ELP4: variants seen among roughly 807,000 people sequenced by gnomAD.
ELP4 encodes the protein elongator complex protein 4.
A neutral mutation model predicts 48.9 loss-of-function variants in ELP4; 51 were observed. That is an observed-to-expected ratio of 1.04 (90% CI 0.83 to 1.32). The LOEUF (loss-of-function observed/expected upper bound fraction) is 1.32. ELP4 is among the 40% of genes most tolerant of loss of function. The pLI is 0.00. For missense variants in ELP4, 519 were observed against 514.6 expected (o/e 1.01, Z -0.08); for synonymous variants, 210 against 189.2 (o/e 1.11, Z -0.90).
intron 4 of ELP4, among the ~76,000 whole-genome samples, chr11:31,595,688 T>C (rs941538449): frequency 6.6e-6 from 1 of 152,164 alleles, no homozygotes; most frequent in African/African-American, 2.4e-5. Flanking sequence ...AATAGCAGAC[T>C]GTAGTACCCT....
chr11:31,773,750 A>G (rs563778145), intron 9 of ELP4, among the ~76,000 whole-genome samples: 2 of 152,296 alleles, frequency 1.3e-5, no homozygotes, highest in East Asian at 3.9e-4. Flanking sequence ...TCTAGTACAA[A>G]TGCATCTAAT....
At chr11:31,762,527 C>G (rs1408284572) in intron 9 of ELP4, among the ~76,000 whole-genome samples, 1 of 151,958 alleles carries the variant, frequency 6.6e-6, no homozygotes, top group Non-Finnish European at 1.5e-5. Context: ...AGAATCTTTT[C>G]ACTTTCTCTT....
At chr11:31,666,648 C>T (rs1006424198) in intron 9 of ELP4, among the ~76,000 whole-genome samples, 58 of 147,620 alleles carry the variant, frequency 3.9e-4, no homozygotes, top group Non-Finnish European at 6.4e-4. Context: ...GCCGAGATTG[C>T]GCCACTGCAC....
chr11:31,598,773 A>C (rs1957725408), intron 4 of ELP4: 1 of 151,756 alleles, frequency 6.6e-6, no homozygotes, highest in African/African-American at 2.4e-5. Context: ...GGCCTCCTGA[A>C]GTGCTGGGAT....
chr11:31,524,254 C>G (rs914373990), intron 2 of ELP4, among the ~76,000 whole-genome samples: 1 of 152,198 alleles, frequency 6.6e-6, no homozygotes, highest in African/African-American at 2.4e-5. Flanking sequence ...GAGTCCTCAG[C>G]AAGCCTACAA....
intron 2 of ELP4, among the ~76,000 whole-genome samples, chr11:31,532,973 A>G (rs1956423253): frequency 6.6e-6 from 1 of 151,758 alleles, no homozygotes; most frequent in Non-Finnish European, 1.5e-5. Flanking sequence ...GGGTTTCATC[A>G]TGTTGGTGGT....
chr11:31,580,308 T>C (rs1957366988), intron 3 of ELP4, among the ~76,000 whole-genome samples: 1 of 152,200 alleles, frequency 6.6e-6, no homozygotes, highest in African/African-American at 2.4e-5. Context: ...TAGTATACTC[T>C]TTGAGACTTG....
intron 5 of ELP4, among the ~76,000 whole-genome samples, chr11:31,609,487 C>T (rs1196034938): frequency 4.6e-5 from 7 of 151,818 alleles, no homozygotes; most frequent in Non-Finnish European, 8.8e-5. Context: ...CTCTGTAAGG[C>T]GGGAAAGAAA....
chr11:31,567,718 C>T (rs1252885692), intron 3 of ELP4, among the ~76,000 whole-genome samples: 1 of 152,094 alleles, frequency 6.6e-6, no homozygotes, highest in African/African-American at 2.4e-5. Flanking sequence ...TTTTTTATTT[C>T]CCAGTGCATA....
intron 3 of ELP4, among the ~76,000 whole-genome samples, chr11:31,564,174 T>C (rs1411350051): frequency 6.6e-6 from 1 of 152,158 alleles, no homozygotes; most frequent in East Asian, 1.9e-4. Flanking sequence ...ATGTATTGAA[T>C]ACAAACTTAC....
chr11:31,537,027 T>A (rs894564916), intron 2 of ELP4, among the ~76,000 whole-genome samples: 53 of 152,204 alleles, frequency 3.5e-4, no homozygotes, highest in African/African-American at 1.3e-3. Context: ...GTTCATGCTT[T>A]CATGTCCTAA....
chr11:31,509,967 G>A lies in ELP4; in HGVS notation c.183G>A (p.Leu61=), dbSNP rs919581353. Residue 61 remains leucine, a synonymous_variant, in exon 1 of 10, where the codon CTG becomes CTA. Coordinates refer to ENST00000640961, the MANE Select transcript of ELP4 (RefSeq NM_019040.5). ...GACCGTCGGTGCGGAATGGACAGCT[G>A]CTGGTATCAACCGGGCTCCCAGCCC... ...GTRPSVRNGQ[L]LVSTGLPALD... The A allele has an allele frequency of 2.5e-6, 4 of 1,612,728 alleles. No individual in the cohort carries two copies. In the African/African-American group the frequency reaches 4.0e-5, roughly 16 times the overall value.
chr11:31,720,733 C>G (rs1355004839), intron 9 of ELP4, among the ~76,000 whole-genome samples: 2 of 152,164 alleles, frequency 1.3e-5, no homozygotes, highest in African/African-American at 4.8e-5. Flanking sequence ...GTGTGACATA[C>G]TGTGCACAAT....
chr11:31,649,850 A>G, intron 8 of ELP4: 1 of 290,172 alleles, frequency 3.4e-6, no homozygotes. Flanking sequence ...AGTTTTGACA[A>G]GTATTAAGAT....
chr11:31,635,830 A>G (rs1433237320), intron 7 of ELP4, among the ~76,000 whole-genome samples: 3 of 152,082 alleles, frequency 2.0e-5, no homozygotes, highest in Admixed American at 2.0e-4. Flanking sequence ...ATAAAAGTCT[A>G]TCAAAGCAAT....
At chr11:31,515,867 T>C (rs542192664) in intron 1 of ELP4, among the ~76,000 whole-genome samples, 7 of 152,328 alleles carry the variant, frequency 4.6e-5, no homozygotes, top group South Asian at 2.1e-4. Flanking sequence ...TCCCAGCACA[T>C]TGGGAGGCCG....
At chr11:31,544,604 T>G (rs563299926) in intron 3 of ELP4, among the ~76,000 whole-genome samples, 1 of 152,180 alleles carries the variant, frequency 6.6e-6, no homozygotes, top group African/African-American at 2.4e-5. Flanking sequence ...AGCAGTAACC[T>G]CTGCAGACTT....
At position 31,509,997 on chromosome 11, in the gene ELP4, C is replaced by T. The variant is rs1239481018; in HGVS notation, c.213C>T (p.Asp71=). Residue 71 remains aspartate (D), a synonymous_variant, in exon 1 of 10, where the codon GAC becomes GAT. Coordinates refer to ENST00000640961, the MANE Select transcript of ELP4 (RefSeq NM_019040.5). ...TATCAACCGGGCTCCCAGCCCTAGACCAGCTCTTAGGTCGGTTCAGAGCGG... is the reference window on the plus strand; with the variant it reads ...TATCAACCGGGCTCCCAGCCCTAGATCAGCTCTTAGGTCGGTTCAGAGCGG... The part of the protein sequence containing the change: ...LLVSTGLPAL[D]QLLGGGLAVG... 1 of 1,611,634 alleles carries T rather than the reference C, an allele frequency of 6.2e-7. No homozygotes were observed. Among genetic ancestry groups the T allele is most frequent in the Non-Finnish European group, 8.5e-7 (1 of 1,179,840 alleles).
chr11:31,544,373 T>G (rs903596878), intron 3 of ELP4, among the ~76,000 whole-genome samples: 1 of 152,342 alleles, frequency 6.6e-6, no homozygotes, highest in African/African-American at 2.4e-5. Context: ...CGGAGGGTCC[T>G]ACGCCCATGG....
Sources: allele counts gnomAD v4.1 joint callset (sites outside exome capture counted in the v4.1 genomes callset), GRCh38; gene constraint gnomAD v4.1.1; transcripts MANE v1.5; gene names NCBI Gene and HGNC (gene_info 2026-07-23, HGNC 2026-07-21).